The following SUCLG2 variants were observed in gnomAD, a reference collection of about 807,000 sequenced individuals.
SUCLG2 encodes succinate--CoA ligase [GDP-forming] subunit beta, mitochondrial.
Under a neutral mutation model 47.9 loss-of-function variants are expected in SUCLG2, and 42 were observed. The observed-to-expected ratio is 0.88, with a 90% CI of 0.69 to 1.14. The LOEUF (loss-of-function observed/expected upper bound fraction) is 1.14, where lower values mean the gene tolerates loss of function less well. SUCLG2 is among the 50% of genes most tolerant of loss of function. The pLI, the probability that SUCLG2 is intolerant of heterozygous loss-of-function variation, is 0.00. For missense variants in SUCLG2, 571 were observed against 525.9 expected (o/e 1.09, Z -0.84); for synonymous variants, 195 against 197.3 (o/e 0.99, Z 0.10).
intron 9 of SUCLG2, among the ~76,000 whole-genome samples, chr3:67,442,862 A>C (rs1575698941): frequency 6.6e-6 from 1 of 152,172 alleles, no homozygotes; most frequent in East Asian, 1.9e-4. Flanking sequence ...AATTCAGACA[A>C]AATAAAAATG....
At chr3:67,620,294 CAT>C (rs1700710282) in intron 1 of SUCLG2, among the ~76,000 whole-genome samples, 1 of 148,220 alleles carries the variant, frequency 6.7e-6, no homozygotes, top group African/African-American at 2.6e-5. Context: ...GAAAGACACA[CAT>C]GATGAGGCCG....
In SUCLG2 at chr3:67,486,495, C is replaced by T. The variant is rs551770447; in HGVS notation, c.1062+9303G>A. 1.6e-4 allele frequency among the ~76,000 whole-genome samples: 24 copies of T among 152,236 alleles called. No individual in the cohort carries two copies. The South Asian group carries it at 4.6e-3, about 29-fold the overall frequency. On this transcript the variant is annotated intron_variant, in intron 9 of 10. Coordinates refer to ENST00000307227, the MANE Select transcript of SUCLG2 (RefSeq NM_003848.4). ...AAAAACACAGTTACATTTTTATGAGCCTCTAGTCACAATATTTTCATCAGC... is the reference window on the plus strand; with the variant it reads ...AAAAACACAGTTACATTTTTATGAGTCTCTAGTCACAATATTTTCATCAGC...
At chr3:67,373,967 A>C (rs1193795662), downstream of SUCLG2, among the ~76,000 whole-genome samples, 1 of 152,228 alleles carries the variant, frequency 6.6e-6, no homozygotes, top group Non-Finnish European at 1.5e-5. Flanking sequence ...TAACCCTTTT[A>C]TGAAATAATC....
In SUCLG2 at chr3:67,535,570, T is replaced by TTAAAA. The variant is rs200612223; in HGVS notation, c.227-6389_227-6385dup. Among the ~76,000 whole-genome samples, 669 of 152,190 alleles carry TTAAAA rather than the reference T, an allele frequency of 4.4e-3. 8 individuals carry two copies. The East Asian group carries it at 0.053, about 12-fold the overall frequency. On this transcript the variant is annotated intron_variant, in intron 2 of 10. Transcript: ENST00000307227. ...CCCTTATGAATAGATTACCTGGAAC[T>TTAAAA]TAAAAGAAAATTAAATTTAAAAATA...
intron 1 of SUCLG2, among the ~76,000 whole-genome samples, chr3:67,624,214 A>G (rs971317553): frequency 1.3e-5 from 2 of 152,222 alleles, no homozygotes; most frequent in African/African-American, 4.8e-5. Context: ...AGCTAACTCA[A>G]TCTCACAAGT....
At chr3:67,587,516 T>G (rs1323027778) in intron 2 of SUCLG2, among the ~76,000 whole-genome samples, 6 of 152,232 alleles carry the variant, frequency 3.9e-5, no homozygotes, top group Non-Finnish European at 4.4e-5. Flanking sequence ...GAAAAAGAGC[T>G]GGCATTTCTT....
rs1707562196 is a variant in SUCLG2 at position 67,569,880 on chromosome 3, G to C, written c.226+39575C>G. Among the ~76,000 whole-genome samples the C allele has an allele frequency of 2.0e-5, 3 of 152,120 alleles. No individual in the cohort carries two copies. The South Asian group carries it at 6.2e-4, about 31-fold the overall frequency. On this transcript the variant is annotated intron_variant, in intron 2 of 10. Transcript: ENST00000307227. Reference sequence around the variant, plus strand: ...AGAGGAAACAAATCAGGGATGGGAGGGGGCATGCAGAAGGCAGAATGCTAT... The same window carrying C: ...AGAGGAAACAAATCAGGGATGGGAGCGGGCATGCAGAAGGCAGAATGCTAT...
At position 67,491,380 on chromosome 3, in the gene SUCLG2, TC is replaced by T. The variant is rs371815843; in HGVS notation, c.1062+4417del. On this transcript the variant is annotated intron_variant, in intron 9 of 10. Transcript: ENST00000307227. ...CTTTTACTTTTTTTTTTTTTTTTTTTCCAGACGAAGTCTCGCTCTTGTCTCC... is the reference window on the plus strand; with the variant it reads ...CTTTTACTTTTTTTTTTTTTTTTTTTCAGACGAAGTCTCGCTCTTGTCTCC... Among the ~76,000 whole-genome samples the T allele has an allele frequency of 4.0e-3, 599 of 148,380 alleles. 14 individuals are homozygous for T. In the East Asian group the frequency reaches 0.051, roughly 13 times the overall value.
chr3:67,496,757 GCTT>G (rs1335972817), intron 8 of SUCLG2, among the ~76,000 whole-genome samples: 1 of 151,720 alleles, frequency 6.6e-6, no homozygotes, highest in African/African-American at 2.4e-5. Context: ...CACTTATTTT[GCTT>G]CTTAAGCTTA....
chr3:67,401,059 C>A (rs958130082), intron 9 of SUCLG2, among the ~76,000 whole-genome samples: 3 of 152,010 alleles, frequency 2.0e-5, no homozygotes, highest in Non-Finnish European at 4.4e-5. Context: ...TATAACATTA[C>A]CAAATTTTCC....
At chr3:67,482,812 T>C (rs899005891) in intron 9 of SUCLG2, among the ~76,000 whole-genome samples, 1 of 152,160 alleles carries the variant, frequency 6.6e-6, no homozygotes, top group Non-Finnish European at 1.5e-5. Context: ...AAGTGAAACC[T>C]AGAAGGTCAA....
At chr3:67,453,635 T>G (rs755762694) in intron 9 of SUCLG2, among the ~76,000 whole-genome samples, 29 of 152,178 alleles carry the variant, frequency 1.9e-4, no homozygotes, top group Non-Finnish European at 3.2e-4. Flanking sequence ...AGCATGAATA[T>G]ATATATGTAT....
At chr3:67,517,246 T>C (rs982403485) in intron 6 of SUCLG2, among the ~76,000 whole-genome samples, 2 of 152,192 alleles carry the variant, frequency 1.3e-5, no homozygotes, top group African/African-American at 4.8e-5. Context: ...TTCTGTTTTA[T>C]CCCTCTTTGA....
chr3:67,383,202 A>G (rs1481039214), intron 10 of SUCLG2, among the ~76,000 whole-genome samples: 1 of 152,226 alleles, frequency 6.6e-6, no homozygotes, highest in African/African-American at 2.4e-5. Context: ...GATAATAATA[A>G]GGATAGCTAA....
At chr3:67,391,788 A>T (rs1467225489) in intron 10 of SUCLG2, among the ~76,000 whole-genome samples, 1 of 152,112 alleles carries the variant, frequency 6.6e-6, no homozygotes, top group Non-Finnish European at 1.5e-5. Context: ...GTGTCTGATG[A>T]TGTCCCCTGG....
rs535348301 is a variant in SUCLG2 at position 67,395,282 on chromosome 3, C to A, written c.1183+5449G>T. Among the ~76,000 whole-genome samples the A allele has an allele frequency of 1.5e-4, 23 of 152,198 alleles. No homozygotes were observed. The South Asian group carries it at 1.9e-3, about 12-fold the overall frequency. ...TGTGCTGTATTCAGGAAACCCATCT[C>A]ATGTGCAGAGACACACATAGGCTCA... On this transcript the variant is annotated intron_variant, in intron 10 of 10. Transcript: ENST00000307227.
At chr3:67,554,966 A>G (rs908225935) in intron 2 of SUCLG2, among the ~76,000 whole-genome samples, 3 of 152,180 alleles carry the variant, frequency 2.0e-5, no homozygotes, top group Admixed American at 6.5e-5. Context: ...GTACCCAGGC[A>G]CTGAGGGATG....
chr3:67,517,084 T>C (rs1705964512), intron 6 of SUCLG2, among the ~76,000 whole-genome samples: 1 of 152,196 alleles, frequency 6.6e-6, no homozygotes, highest in Non-Finnish European at 1.5e-5. Flanking sequence ...GTCCATCGAA[T>C]CCTGGCCCTT....
Position 67,390,288 on chromosome 3 carries a change from T to A in SUCLG2, c.1183+10443A>T, listed in dbSNP as rs41356347. On this transcript the variant is annotated intron_variant, in intron 10 of 10. Transcript: ENST00000307227. ...AGTCTCTCTAATATGCAGCCCACAT[T>A]TTAAAGATTCTGTTGCCCACCCACA... 7.5e-3 allele frequency among the ~76,000 whole-genome samples: 1,147 copies of A among 152,310 alleles called. 14 individuals are homozygous for A. Among genetic ancestry groups the A allele is most frequent in the African/African-American group, 0.026 (1,089 of 41,560 alleles).
Sources: allele counts gnomAD v4.1 joint callset (sites outside exome capture counted in the v4.1 genomes callset), GRCh38; gene constraint gnomAD v4.1.1; transcripts MANE v1.5; gene names NCBI Gene and HGNC (gene_info 2026-07-23, HGNC 2026-07-21).